The following TENM2 variants were observed in gnomAD, a reference collection of about 807,000 sequenced individuals.
TENM2 encodes the protein teneurin-2.
Under a neutral mutation model 245.2 loss-of-function variants are expected in TENM2, and 52 were observed. The ratio of observed to expected loss-of-function variants is 0.21; its 90% confidence interval spans 0.17 to 0.27. The LOEUF (loss-of-function observed/expected upper bound fraction) is 0.27. Among genes scored for constraint, TENM2 ranks in the 10% least tolerant of loss-of-function variants. The probability of loss-of-function intolerance (pLI) is 1.00; values close to 1 mark genes in which losing one functional copy is unlikely to be tolerated. For synonymous variants in TENM2, 1,363 were observed against 1,438.9 expected (o/e 0.95, Z 1.19); for missense variants, 3,046 against 3,666.8 (o/e 0.83, Z 4.37).
At chr5:167,901,178 CTCTT>C (rs1304472078) in intron 3 of TENM2, among the ~76,000 whole-genome samples, 1 of 151,704 alleles carries the variant, frequency 6.6e-6, no homozygotes, top group East Asian at 1.9e-4. Context: ...ACTTCCTTTT[CTCTT>C]TCTCTTTCTT....
chr5:167,351,068 GATATATATATGGGATATATACATATGGAT>G (rs1758872657), intron 1 of TENM2, among the ~76,000 whole-genome samples: 12 of 129,314 alleles, frequency 9.3e-5, no homozygotes, highest in Admixed American at 7.5e-4. Context: ...TATACATATG[GATATATATATGGGATATATACATATGGAT>G]ATATATATAT....
the TENM2 span, among the ~76,000 whole-genome samples, chr5:167,139,986 C>A: frequency 6.6e-6 from 1 of 152,100 alleles, no homozygotes; most frequent in African/African-American, 2.4e-5. Flanking sequence ...AAGAGTTTTA[C>A]TCTTTCCTTT....
Position 167,935,158 on chromosome 5 carries a change from G to A in TENM2, c.713-17430G>A, listed in dbSNP as rs149565354. Among the ~76,000 whole-genome samples the A allele has an allele frequency of 2.6e-5, 4 of 152,234 alleles. No homozygotes were observed. The East Asian group carries it at 5.8e-4, about 22-fold the overall frequency. ...GAGAAACAGAGGCGTGAAAAGAGCC[G>A]TTAGTGCAATGGAGTGTCGTGAATT... On this transcript the variant is annotated intron_variant, in intron 3 of 28. Coordinates refer to ENST00000518659, the Ensembl canonical transcript of TENM2.
chr5:167,153,649 G>A, the TENM2 span, among the ~76,000 whole-genome samples: 1 of 150,636 alleles, frequency 6.6e-6, no homozygotes. Flanking sequence ...ATTTCCTTTA[G>A]CTGTGATATG....
At chr5:167,461,999 C>G (rs986115985) in intron 2 of TENM2, among the ~76,000 whole-genome samples, 3 of 152,142 alleles carry the variant, frequency 2.0e-5, no homozygotes, top group African/African-American at 7.2e-5. Context: ...TAAATCGCAT[C>G]ACTCAAAATC....
chr5:168,150,060 C>T (rs774040226), intron 12 of TENM2, among the ~76,000 whole-genome samples: 2 of 152,196 alleles, frequency 1.3e-5, no homozygotes, highest in Non-Finnish European at 2.9e-5. Flanking sequence ...CCTCCCCCTA[C>T]ATTTCCCTAA....
chr5:167,609,987 A>G (rs1777365619), intron 2 of TENM2, among the ~76,000 whole-genome samples: 1 of 152,098 alleles, frequency 6.6e-6, no homozygotes, highest in South Asian at 2.1e-4. Context: ...GCCAATCACA[A>G]GCCCCAGGTT....
At chr5:167,709,313 A>G (rs1758749078) in intron 2 of TENM2, among the ~76,000 whole-genome samples, 1 of 152,068 alleles carries the variant, frequency 6.6e-6, no homozygotes. Context: ...GTTTTTATAG[A>G]ATTTATTTCT....
At chr5:168,075,717 A>G (rs973125620) in intron 7 of TENM2, among the ~76,000 whole-genome samples, 1 of 152,204 alleles carries the variant, frequency 6.6e-6, no homozygotes, top group African/African-American at 2.4e-5. Flanking sequence ...TCATGCTGCT[A>G]ATAAAGACAT....
Position 168,244,662 on chromosome 5 carries a change from C to A in TENM2, c.5763C>A (p.Ile1921=). The A allele has an allele frequency of 1.3e-6, 2 of 1,533,588 alleles. No individual in the cohort carries two copies. The highest frequency in any genetic ancestry group is 1.8e-6 in the Non-Finnish European group (2 of 1,131,276). 95.0% of individuals were successfully genotyped at this position (1,533,588 alleles called of 1,614,324 possible). A position where few individuals can be genotyped will look rare whatever the true frequency, so the allele number is the denominator to read the frequency against. The change falls in exon 26 of 29, where the codon ATC becomes ATA. Residue 1921 remains isoleucine (I), a synonymous_variant. Transcript: ENST00000518659. The surrounding 1 kb of genome is among the most constrained non-coding windows in gnomAD (Gnocchi z 4.9). ...CAGACATCGACAAGCAAGGCCGCAT[C>A]GTGTCCCGCATGTTCGCTGACGGGA...
intron 7 of TENM2, among the ~76,000 whole-genome samples, chr5:168,070,389 C>A (rs549277221): frequency 6.6e-6 from 1 of 152,076 alleles, no homozygotes; most frequent in South Asian, 2.1e-4. Context: ...TGGCCTCTTA[C>A]GAATTCCAGT....
At chr5:167,106,412 T>C in the TENM2 span, among the ~76,000 whole-genome samples, 3 of 152,100 alleles carry the variant, frequency 2.0e-5, no homozygotes, top group African/African-American at 7.2e-5. Context: ...GGTGTAGAAA[T>C]GAGAAATACA....
rs869252752 is a variant in TENM2, at chr5:167,776,593, G to GAAAAAAAAAAAAAAAAAAA, written c.503-99378_503-99360dup. Among the ~76,000 whole-genome samples, 9 of 36,020 alleles carry GAAAAAAAAAAAAAAAAAAA rather than the reference G, an allele frequency of 2.5e-4. 1 individual carries two copies. The highest frequency in any genetic ancestry group is 3.5e-4 in the African/African-American group (4 of 11,436). The allele number at this position is 36,020 out of a possible 152,430, so 23.6% of individuals were successfully genotyped here. A position where few individuals can be genotyped will look rare whatever the true frequency, so the allele number is the denominator to read the frequency against. Reference sequence around the variant, plus strand: ...TTGGGCAGCAGATGAGACCCTGTCTGAAAAAAAAAAAAAAAAAAAAAAAAA... The same window carrying GAAAAAAAAAAAAAAAAAAA: ...TTGGGCAGCAGATGAGACCCTGTCTGAAAAAAAAAAAAAAAAAAAAAAAAAAAAAAAAAAAAAAAAAAAA... On this transcript the variant is annotated intron_variant, in intron 2 of 28. Transcript: ENST00000518659.
chr5:167,629,885 G>A (rs1022800920), intron 2 of TENM2, among the ~76,000 whole-genome samples: 7 of 151,668 alleles, frequency 4.6e-5, no homozygotes, highest in African/African-American at 1.7e-4. Context: ...AGAAGGAGAA[G>A]GAGGAGGAGG....
intron 1 of TENM2, among the ~76,000 whole-genome samples, chr5:167,326,028 T>G (rs1349903557): frequency 1.3e-5 from 2 of 152,100 alleles, no homozygotes; most frequent in African/African-American, 4.8e-5. Flanking sequence ...ACATTTGAAT[T>G]GGAGCATGAA....
chr5:168,163,410 G>A (rs7709722), intron 13 of TENM2, among the ~76,000 whole-genome samples: 5,093 of 152,312 alleles, frequency 0.033, 247 homozygotes, highest in African/African-American at 0.1. Context: ...TAATGTGAAA[G>A]TTATGTGAAA....
intron 3 of TENM2, among the ~76,000 whole-genome samples, chr5:167,878,577 G>A (rs372734737): frequency 7.4e-5 from 1 of 13,436 alleles, no homozygotes; most frequent in African/African-American, 7.6e-5. Flanking sequence ...TCACGTCTGT[G>A]TGTGTGTGTG....
At chr5:167,967,007 A>G (rs1781432034) in intron 4 of TENM2, 1 of 152,158 alleles carries the variant, frequency 6.6e-6, no homozygotes, top group Non-Finnish European at 1.5e-5. Context: ...TTTTGACACC[A>G]CGATCTCGCC....
intron 2 of TENM2, among the ~76,000 whole-genome samples, chr5:167,623,362 A>G (rs1169841548): frequency 6.6e-6 from 1 of 152,076 alleles, no homozygotes; most frequent in Non-Finnish European, 1.5e-5. Context: ...GTTTCTCTTT[A>G]TTATTTCAAA....
Sources: gnomAD v4.1 joint callset for allele counts (sites outside exome capture counted in the v4.1 genomes callset) on GRCh38, gnomAD v4.1.1 for gene constraint, Gnocchi (gnomAD v3.1) non-coding constraint, MANE v1.5 for transcripts, NCBI Gene and HGNC (gene_info 2026-07-23, HGNC 2026-07-21) for gene names.